Variants in ZNF532 observed in about 807,000 individuals in gnomAD.
The protein encoded by ZNF532 is zinc finger protein 532.
A neutral mutation model predicts 89.3 loss-of-function variants in ZNF532; 22 were observed. The ratio of observed to expected loss-of-function variants is 0.25; its 90% CI spans 0.18 to 0.35. ZNF532 has a LOEUF of 0.35. Ranked by LOEUF, ZNF532 falls within the 10% of genes least tolerant of loss-of-function variation. The pLI, the probability that ZNF532 is intolerant of heterozygous loss-of-function variation, is 1.00. For synonymous variants in ZNF532, 606 were observed against 649.6 expected, an observed-to-expected ratio of 0.93 and a Z score of 1.02; for missense variants, 1,132 against 1,643.4, an observed-to-expected ratio of 0.69 and a Z score of 5.38.
rs915186989 is a variant in ZNF532 at position 58,985,756 on chromosome 18, A to ATGTT, written c.*1292_*1295dup. On this transcript the variant is annotated 3_prime_UTR_variant, in exon 10 of 10. Coordinates refer to ENST00000591808, the MANE Select transcript of ZNF532 (RefSeq NM_001375912.1). The stretch of plus-strand genomic sequence containing the variant: ...TTGTATCTTGTATTTATCCCTGAAC[A>ATGTT]TGTTTTGTACCTTTTTTTTTTTTTT... 1 of 125,296 alleles carries ATGTT rather than the reference A, an allele frequency of 8.0e-6. No individual in the cohort carries two copies. 7.8% of individuals were successfully genotyped at this position (125,296 alleles called of 1,614,324 possible).
chr18:58,881,662 T>C (rs555415663), intron 2 of ZNF532, among the ~76,000 whole-genome samples: 1 of 152,354 alleles, frequency 6.6e-6, no homozygotes, highest in Non-Finnish European at 1.5e-5. Flanking sequence ...TACAGTGTCC[T>C]GTGGTTTATA....
intron 7 of ZNF532, among the ~76,000 whole-genome samples, chr18:58,969,307 A>G (rs189606621): frequency 8.9e-4 from 136 of 152,330 alleles, no homozygotes; most frequent in Admixed American, 1.8e-3. Flanking sequence ...TGCCAAATCC[A>G]GCAAGTCCAT....
chr18:58,939,380 A>G (rs2062788117), intron 4 of ZNF532, 65 bp from the exon 5 acceptor site: 2 of 1,419,816 alleles, frequency 1.4e-6, no homozygotes, highest in Non-Finnish European at 1.9e-6. Context: ...CATCTCACCC[A>G]GTTTTTGCAG....
chr18:58,888,808 TAAA>T (rs1233473371), intron 2 of ZNF532, among the ~76,000 whole-genome samples: 1,107 of 47,698 alleles, frequency 0.023, 92 homozygotes, highest in African/African-American at 0.084. Context: ...TTTATATATA[TAAA>T]AAATTATATA....
At chr18:58,978,284 A>G (rs1423292983) in intron 7 of ZNF532, among the ~76,000 whole-genome samples, 1 of 152,222 alleles carries the variant, frequency 6.6e-6, no homozygotes, top group Non-Finnish European at 1.5e-5. Context: ...TATTTAAAAC[A>G]AAAATCCTTC....
intron 2 of ZNF532, among the ~76,000 whole-genome samples, chr18:58,901,786 T>C (rs2059618378): frequency 6.6e-6 from 1 of 152,102 alleles, no homozygotes; most frequent in East Asian, 1.9e-4. Context: ...GAGAACCCTG[T>C]CCCCATCTCC....
chr18:58,896,873 TAA>T (rs1602776912), intron 2 of ZNF532, among the ~76,000 whole-genome samples: 1 of 152,188 alleles, frequency 6.6e-6, no homozygotes, highest in East Asian at 1.9e-4. Flanking sequence ...CAGATGAAGA[TAA>T]ATCGGCAAAA....
At chr18:58,973,001 A>T (rs972642319) in intron 7 of ZNF532, among the ~76,000 whole-genome samples, 3 of 152,184 alleles carry the variant, frequency 2.0e-5, no homozygotes, top group African/African-American at 7.2e-5. Context: ...CCCCCCAAAC[A>T]TCCCTTTAAT....
At chr18:58,880,794 T>C (rs1442049086) in intron 2 of ZNF532, among the ~76,000 whole-genome samples, 1 of 93,308 alleles carries the variant, frequency 1.1e-5, no homozygotes, top group Non-Finnish European at 2.4e-5. Flanking sequence ...GTGTGTATGT[T>C]TGGGGCCCCT....
At chr18:58,888,597 A>G (rs1410736216) in intron 2 of ZNF532, among the ~76,000 whole-genome samples, 2 of 144,142 alleles carry the variant, frequency 1.4e-5, no homozygotes, top group Non-Finnish European at 3.0e-5. Context: ...AATCGCTTCA[A>G]CCTGGGAGGC....
At chr18:58,921,556 A>G (rs1278360430) in intron 3 of ZNF532, among the ~76,000 whole-genome samples, 5 of 152,204 alleles carry the variant, frequency 3.3e-5, no homozygotes, top group African/African-American at 9.6e-5. Context: ...CCCATCTCCA[A>G]TTAAACAGAA....
chr18:58,894,531 A>C (rs2059126909), intron 2 of ZNF532, among the ~76,000 whole-genome samples: 1 of 152,108 alleles, frequency 6.6e-6, no homozygotes, highest in African/African-American at 2.4e-5. Flanking sequence ...ATAATGGAAT[A>C]AGTGAAAAGG....
chr18:58,868,919 C>CTATA (rs1249038284), intron 2 of ZNF532, among the ~76,000 whole-genome samples: 1 of 152,198 alleles, frequency 6.6e-6, no homozygotes, highest in Non-Finnish European at 1.5e-5. Flanking sequence ...CTATAGCCTA[C>CTATA]TATATACCTA....
chr18:58,878,420 C>T (rs758657595), intron 2 of ZNF532, among the ~76,000 whole-genome samples: 2 of 152,150 alleles, frequency 1.3e-5, no homozygotes, highest in Non-Finnish European at 2.9e-5. Context: ...TGGCAGGAGT[C>T]GGCAGTCCGA....
At chr18:58,973,541 G>A (rs910887935) in intron 7 of ZNF532, among the ~76,000 whole-genome samples, 1 of 152,212 alleles carries the variant, frequency 6.6e-6, no homozygotes, top group Non-Finnish European at 1.5e-5. Context: ...CGGAACGGTG[G>A]CAGTTTCTCT....
intron 9 of ZNF532, among the ~76,000 whole-genome samples, 163 bp from the exon 10 acceptor site, chr18:58,983,809 C>CA (rs1325182817): frequency 1.3e-5 from 2 of 152,112 alleles, no homozygotes; most frequent in Non-Finnish European, 2.9e-5. Context: ...GGAAGAAAGG[C>CA]ATGGGCCTCC....
Position 58,939,478 on chromosome 18 carries a change from G to A in ZNF532, c.2562G>A (p.Val854=), listed in dbSNP as rs1260152353. ...CVHCNVVYSD[V]AALKSHIQGS... is the part of the protein sequence containing the mutation. ...ATTGCAATGTTGTGTACTCTGATGT[G>A]GCTGCTCTGAAGTCTCACATTCAAG... Residue 854 remains valine (V), a synonymous_variant, in exon 5 of 10, where the codon GTG becomes GTA. Transcript: ENST00000591808. 2.5e-6 allele frequency: 4 copies of A among 1,613,812 alleles called. No individual in the cohort carries two copies. The highest frequency in any genetic ancestry group is 1.1e-5 in the South Asian group (1 of 91,038).
chr18:58,977,257 A>C (rs1433531066), intron 7 of ZNF532, among the ~76,000 whole-genome samples: 1 of 152,174 alleles, frequency 6.6e-6, no homozygotes, highest in Non-Finnish European at 1.5e-5. Context: ...GCATAACTTG[A>C]CTATTACAAG....
At chr18:58,909,997 T>C (rs2060182959) in intron 2 of ZNF532, among the ~76,000 whole-genome samples, 1 of 152,130 alleles carries the variant, frequency 6.6e-6, no homozygotes, top group South Asian at 2.1e-4. Context: ...TCCCTGTGTT[T>C]TGGGAGGCCA....
Sources: allele counts gnomAD v4.1 joint callset (sites outside exome capture counted in the v4.1 genomes callset), GRCh38; gene constraint gnomAD v4.1.1; transcripts MANE v1.5; gene names NCBI Gene and HGNC (gene_info 2026-07-23, HGNC 2026-07-21).